Variants in PDLIM1 observed in about 807,000 individuals in gnomAD.
PDLIM1 encodes PDZ and LIM domain 1, also known as PDZ and LIM domain protein 1.
Under a neutral mutation model 35.2 loss-of-function variants are expected in PDLIM1, and 25 were observed. That is an observed-to-expected ratio of 0.71 (90% confidence interval 0.52 to 0.99). The LOEUF is 0.99. Among genes scored for constraint, PDLIM1 ranks in the 50% least tolerant of loss-of-function variants. The pLI is 0.00. For missense variants in PDLIM1, 363 were observed against 415.3 expected (o/e 0.87, Z 1.09); for synonymous variants, 152 against 154.0 (o/e 0.99, Z 0.10).
At chr10:95,268,394 C>G (rs1184199203) in intron 3 of PDLIM1, among the ~76,000 whole-genome samples, 2 of 152,208 alleles carry the variant, frequency 1.3e-5, no homozygotes, top group African/African-American at 4.8e-5. Flanking sequence ...CTTCTAGGCT[C>G]TAGGCCTCCA....
At chr10:95,242,678 CA>C (rs35965171) in intron 5 of PDLIM1, among the ~76,000 whole-genome samples, 41,292 of 137,430 alleles carry the variant, frequency 0.3, 5,701 homozygotes, top group Middle Eastern at 0.38. Flanking sequence ...ACAGAGGTCT[CA>C]AAAAAAAAAA....
intron 4 of PDLIM1, among the ~76,000 whole-genome samples, chr10:95,250,557 A>G (rs2035258612): frequency 6.6e-6 from 1 of 152,232 alleles, no homozygotes; most frequent in South Asian, 2.1e-4. Context: ...ATCTTAAAAA[A>G]TGATGACAAA....
intron 1 of PDLIM1, among the ~76,000 whole-genome samples, chr10:95,275,545 T>G (rs2035503081): frequency 6.6e-6 from 1 of 152,246 alleles, no homozygotes; most frequent in Non-Finnish European, 1.5e-5. Context: ...TGCTTCATTT[T>G]ATCCTTTAAA....
chr10:95,237,684 G>A lies in PDLIM1; in HGVS notation c.*241C>T, dbSNP rs571580427. 49 of 493,410 alleles carry A rather than the reference G, an allele frequency of 9.9e-5. No homozygotes were observed. The highest frequency in any genetic ancestry group is 5.8e-4 in the East Asian group (18 of 30,872). 30.6% of individuals were successfully genotyped at this position (493,410 alleles called of 1,614,324 possible). A position where few individuals can be genotyped will look rare whatever the true frequency, so the allele number is the denominator to read the frequency against. On this transcript the variant is annotated 3_prime_UTR_variant, in exon 7 of 7. Transcript: ENST00000329399. ...ATGCAGCAGAGAAGAACGGTGGGGC[G>A]AAGGGACACAGTGTTGCTGACAAGG...
chr10:95,276,327 T>A (rs933227457), intron 1 of PDLIM1, among the ~76,000 whole-genome samples: 4 of 150,986 alleles, frequency 2.6e-5, no homozygotes, highest in South Asian at 2.1e-4. Context: ...AGGAGACTCA[T>A]CTGCAGTGGC....
At chr10:95,242,686 A>C (rs2035188900) in intron 5 of PDLIM1, among the ~76,000 whole-genome samples, 1 of 152,054 alleles carries the variant, frequency 6.6e-6, no homozygotes, top group Admixed American at 6.6e-5. Context: ...CTCAAAAAAA[A>C]AAAAAAAATT....
chr10:95,272,338 C>T (rs1237216527), intron 1 of PDLIM1, among the ~76,000 whole-genome samples: 1 of 152,146 alleles, frequency 6.6e-6, no homozygotes, highest in Non-Finnish European at 1.5e-5. Context: ...CACAGTTATA[C>T]AGTTTTGCAA....
chr10:95,247,278 C>A lies in PDLIM1; in HGVS notation c.622G>T (p.Glu208Ter). ...KMLQEKQELN[E>*]PPKQSTSFLV... Reference sequence around the variant, plus strand: ...AAAGACGTGGACTGTTTCGGGGGCTCATTCAACTCCTGTTTCTCCTGAAGC... The same window carrying A: ...AAAGACGTGGACTGTTTCGGGGGCTAATTCAACTCCTGTTTCTCCTGAAGC... Residue 208 changes from glutamate (E) to a stop codon, truncating the protein, a stop_gained, in exon 5 of 7, where the codon GAG (glutamate) becomes TAG (stop). Transcript: ENST00000329399. LOFTEE classifies it high-confidence loss of function. 6.2e-7 allele frequency: 1 copy of A among 1,614,122 alleles called. No homozygotes were observed. The highest frequency in any genetic ancestry group is 8.5e-7 in the Non-Finnish European group (1 of 1,179,966).
At chr10:95,280,392 A>T (rs2035551336) in intron 1 of PDLIM1, among the ~76,000 whole-genome samples, 1 of 152,204 alleles carries the variant, frequency 6.6e-6, no homozygotes, top group Non-Finnish European at 1.5e-5. Context: ...TTAAAAAAAA[A>T]TTTAAAAACT....
chr10:95,283,807 G>C (rs1251378833), intron 1 of PDLIM1, among the ~76,000 whole-genome samples: 5 of 152,220 alleles, frequency 3.3e-5, no homozygotes. Flanking sequence ...ATGGGATAAA[G>C]AAGAGGACAT....
In PDLIM1 at chr10:95,268,762, A is replaced by T; in HGVS notation, c.333+16T>A. On this transcript the variant is annotated intron_variant, in intron 3 of 6. Coordinates refer to ENST00000329399, the MANE Select transcript of PDLIM1 (RefSeq NM_020992.4). ...CTGGGTGGTGAGAGCAGCGGCAACG[A>T]TGAGCAAGAACTTACCTGGGGTTCA... 6.4e-7 allele frequency: 1 copy of T among 1,557,588 alleles called. No homozygotes were observed. The highest frequency in any genetic ancestry group is 8.9e-7 in the Non-Finnish European group (1 of 1,128,398).
At chr10:95,275,437 A>C (rs1456669162) in intron 1 of PDLIM1, among the ~76,000 whole-genome samples, 2 of 152,222 alleles carry the variant, frequency 1.3e-5, no homozygotes, top group East Asian at 1.9e-4. Context: ...CAGTATCCTC[A>C]ACACCCAATA....
chr10:95,272,550 G>C (rs1309758348), intron 1 of PDLIM1, among the ~76,000 whole-genome samples: 3 of 152,078 alleles, frequency 2.0e-5, no homozygotes, highest in African/African-American at 7.2e-5. Flanking sequence ...TGTGATCTCA[G>C]CTATTCAGGA....
intron 4 of PDLIM1, among the ~76,000 whole-genome samples, chr10:95,256,925 AGATCAT>A (rs1275813062): frequency 1.3e-5 from 2 of 149,300 alleles, no homozygotes; most frequent in Non-Finnish European, 3.0e-5. Context: ...CAGTGAGCCA[AGATCAT>A]GCCATTGCAC....
At chr10:95,270,546 T>C (rs2035455924) in intron 2 of PDLIM1, among the ~76,000 whole-genome samples, 1 of 152,104 alleles carries the variant, frequency 6.6e-6, no homozygotes, top group Admixed American at 6.6e-5. Flanking sequence ...CAAGGCTAAA[T>C]GAAAGAAGAA....
At chr10:95,249,868 G>T (rs947067656) in intron 4 of PDLIM1, among the ~76,000 whole-genome samples, 2 of 152,180 alleles carry the variant, frequency 1.3e-5, no homozygotes, top group African/African-American at 4.8e-5. Flanking sequence ...CAGAGTTTAA[G>T]TAGCAAGATT....
intron 3 of PDLIM1, among the ~76,000 whole-genome samples, chr10:95,267,996 A>C (rs2035430135): frequency 6.6e-6 from 1 of 152,200 alleles, no homozygotes; most frequent in Non-Finnish European, 1.5e-5. Flanking sequence ...GGGTGTGAGG[A>C]ATTTTACAAA....
chr10:95,275,715 T>C (rs985681847), intron 1 of PDLIM1, among the ~76,000 whole-genome samples: 2 of 152,214 alleles, frequency 1.3e-5, no homozygotes, highest in Non-Finnish European at 2.9e-5. Context: ...TTCACTTTTT[T>C]ACGGTGAACT....
At chr10:95,269,087 A>G (rs946315848) in intron 2 of PDLIM1, among the ~76,000 whole-genome samples, 11 of 152,136 alleles carry the variant, frequency 7.2e-5, no homozygotes, top group African/African-American at 2.7e-4. Context: ...CTTCCCAAGC[A>G]CTTCATCCTC....
Sources: allele counts gnomAD v4.1 joint callset (sites outside exome capture counted in the v4.1 genomes callset), GRCh38; gene constraint gnomAD v4.1.1; transcripts MANE v1.5; gene names NCBI Gene and HGNC (gene_info 2026-07-23, HGNC 2026-07-21).